SLC24A3: variants seen among roughly 807,000 people sequenced by gnomAD.
SLC24A3 encodes the protein solute carrier family 24 member 3, also known as sodium/potassium/calcium exchanger 3.
SLC24A3 carries 28 observed loss-of-function variants against 75.8 expected under a neutral mutation model. The ratio of observed to expected loss-of-function variants is 0.37; its 90% CI spans 0.27 to 0.51. The LOEUF is 0.51. Among genes scored for constraint, SLC24A3 ranks in the 20% least tolerant of loss-of-function variants. The probability of loss-of-function intolerance (pLI) is 0.94; values close to 1 mark genes in which losing one functional copy is unlikely to be tolerated. For synonymous variants in SLC24A3, 372 were observed against 334.1 expected (o/e 1.11, Z -1.24); for missense variants, 663 against 847.8 (o/e 0.78, Z 2.71).
intron 2 of SLC24A3, among the ~76,000 whole-genome samples, chr20:19,500,347 T>C (rs1407478942): frequency 2.6e-5 from 4 of 152,164 alleles, no homozygotes; most frequent in Non-Finnish European, 5.9e-5. Flanking sequence ...AGGATCCCCA[T>C]GGGATTTGCT....
intron 2 of SLC24A3, among the ~76,000 whole-genome samples, chr20:19,417,924 G>A (rs1270806479): frequency 6.6e-6 from 1 of 152,200 alleles, no homozygotes; most frequent in Non-Finnish European, 1.5e-5. Flanking sequence ...GGAAGTTGGA[G>A]GAGTGGAGGA....
rs1195795287 is a variant in SLC24A3 at position 19,262,362 on chromosome 20, G to A, written c.143-18597G>A. On this transcript the variant is annotated intron_variant, in intron 1 of 16. Coordinates refer to ENST00000328041, the MANE Select transcript of SLC24A3 (RefSeq NM_020689.4). ...GGAGCTTGCAGTGAGCCGAGATCGC[G>A]CCACTGCACTCCAGCCTGGGCGACA... Among the ~76,000 whole-genome samples, 4 of 138,214 alleles carry A rather than the reference G, an allele frequency of 2.9e-5. No homozygotes were observed. The East Asian group carries it at 6.3e-4, about 22-fold the overall frequency. 90.7% of individuals were successfully genotyped at this position (138,214 alleles called of 152,430 possible). A position where few individuals can be genotyped will look rare whatever the true frequency, so the allele number is the denominator to read the frequency against.
At chr20:19,654,416 G>A (rs1055228175) in intron 7 of SLC24A3, among the ~76,000 whole-genome samples, 3 of 151,750 alleles carry the variant, frequency 2.0e-5, no homozygotes, top group Non-Finnish European at 2.9e-5. Flanking sequence ...CTCTTCTGTC[G>A]CTTCATTGGC....
chr20:19,671,262 C>T (rs2032463419), intron 8 of SLC24A3, among the ~76,000 whole-genome samples: 1 of 152,028 alleles, frequency 6.6e-6, no homozygotes, highest in African/African-American at 2.4e-5. Context: ...CGGCTGTGTG[C>T]AAATGAAAGG....
At chr20:19,616,936 A>G (rs936484932) in intron 6 of SLC24A3, among the ~76,000 whole-genome samples, 1 of 152,142 alleles carries the variant, frequency 6.6e-6, no homozygotes, top group South Asian at 2.1e-4. Context: ...CAGAAGAACC[A>G]TGGGCCAAAC....
At chr20:19,655,172 C>T (rs917088003) in intron 7 of SLC24A3, among the ~76,000 whole-genome samples, 4 of 152,186 alleles carry the variant, frequency 2.6e-5, no homozygotes, top group Non-Finnish European at 5.9e-5. Context: ...GCCGGCCTGA[C>T]GCAGCAGCTG....
intron 3 of SLC24A3, among the ~76,000 whole-genome samples, chr20:19,576,176 A>G (rs2031131586): frequency 2.0e-5 from 3 of 152,146 alleles, no homozygotes; most frequent in Admixed American, 1.3e-4. Context: ...CTGTCTCAAC[A>G]AACAGTGGCA....
At chr20:19,714,454 C>T (rs1283470160) in intron 15 of SLC24A3, among the ~76,000 whole-genome samples, 1 of 151,378 alleles carries the variant, frequency 6.6e-6, no homozygotes, top group African/African-American at 2.4e-5. Context: ...GGCAATGACT[C>T]CTGCCCCAAA....
intron 3 of SLC24A3, among the ~76,000 whole-genome samples, chr20:19,578,475 C>T (rs2122630365): frequency 6.6e-6 from 1 of 151,962 alleles, no homozygotes; most frequent in Admixed American, 6.6e-5. Context: ...GTGTTTATAT[C>T]CATAAAAAGA....
intron 6 of SLC24A3, among the ~76,000 whole-genome samples, chr20:19,646,020 A>G (rs1322085776): frequency 6.6e-6 from 1 of 152,188 alleles, no homozygotes; most frequent in African/African-American, 2.4e-5. Flanking sequence ...GCACCACTGC[A>G]CTCCAGCCTG....
At chr20:19,546,158 C>CAAAAAAAAAAAAAAAAAAAAAAAAAAA (rs367781560) in intron 3 of SLC24A3, among the ~76,000 whole-genome samples, 3 of 46,740 alleles carry the variant, frequency 6.4e-5, no homozygotes, top group Admixed American at 4.0e-4. Context: ...GACTCCGTCT[C>CAAAAAAAAAAAAAAAAAAAAAAAAAAA]AAAAAAAAAA....
At chr20:19,239,184 G>A (rs1298801953) in intron 1 of SLC24A3, among the ~76,000 whole-genome samples, 1 of 151,738 alleles carries the variant, frequency 6.6e-6, no homozygotes, top group Non-Finnish European at 1.5e-5. Flanking sequence ...TGTGTCTTGG[G>A]CCAGGCCTGG....
At chr20:19,661,958 A>G (rs1217430332) in intron 7 of SLC24A3, among the ~76,000 whole-genome samples, 1 of 152,214 alleles carries the variant, frequency 6.6e-6, no homozygotes, top group East Asian at 1.9e-4. Context: ...ACCAGGAATG[A>G]AAAGCCGGTT....
chr20:19,619,547 C>G (rs1482018456), intron 6 of SLC24A3, among the ~76,000 whole-genome samples: 1 of 152,108 alleles, frequency 6.6e-6, no homozygotes, highest in Non-Finnish European at 1.5e-5. Context: ...TTTATGCTAC[C>G]ACATGTTGGA....
At chr20:19,644,956 G>A (rs192937262) in intron 6 of SLC24A3, among the ~76,000 whole-genome samples, 18 of 152,262 alleles carry the variant, frequency 1.2e-4, no homozygotes, top group South Asian at 8.3e-4. Flanking sequence ...TATACATGAA[G>A]CAACAACCAT....
At chr20:19,514,026 G>T (rs1414373422) in intron 2 of SLC24A3, among the ~76,000 whole-genome samples, 1 of 152,234 alleles carries the variant, frequency 6.6e-6, no homozygotes, top group African/African-American at 2.4e-5. Flanking sequence ...CTTGCTTTAT[G>T]TACTAGACGT....
At chr20:19,561,326 A>G (rs1600281083) in intron 3 of SLC24A3, among the ~76,000 whole-genome samples, 1 of 152,170 alleles carries the variant, frequency 6.6e-6, no homozygotes. Context: ...ATCCAGGGGC[A>G]GATTGGATTT....
At chr20:19,245,745 T>C (rs868695183) in intron 1 of SLC24A3, among the ~76,000 whole-genome samples, 7 of 152,148 alleles carry the variant, frequency 4.6e-5, no homozygotes, top group African/African-American at 1.7e-4. Flanking sequence ...GTAATTTTAA[T>C]GGTAAATGGT....
At chr20:19,574,498 G>T (rs1224261346) in intron 3 of SLC24A3, among the ~76,000 whole-genome samples, 1 of 152,290 alleles carries the variant, frequency 6.6e-6, no homozygotes, top group Admixed American at 6.5e-5. Flanking sequence ...ACTGGGCTGG[G>T]CCTGTCTCAG....
Sources: allele counts gnomAD v4.1 joint callset (sites outside exome capture counted in the v4.1 genomes callset), GRCh38; gene constraint gnomAD v4.1.1; transcripts MANE v1.5; gene names NCBI Gene and HGNC (gene_info 2026-07-23, HGNC 2026-07-21).